The following SCFD2 variants were observed in gnomAD, a reference collection of about 807,000 sequenced individuals.
The protein encoded by SCFD2 is sec1 family domain containing 2.
SCFD2 carries 54 observed loss-of-function variants against 58.9 expected under a neutral mutation model. That is an observed-to-expected ratio of 0.92 (90% CI 0.74 to 1.15). SCFD2 has a LOEUF of 1.15. Among genes scored for constraint, SCFD2 ranks in the 50% most tolerant of loss-of-function variants. The pLI, the probability that SCFD2 is intolerant of heterozygous loss-of-function variation, is 0.00. For missense variants in SCFD2, 805 were observed against 836.6 expected (o/e 0.96, Z 0.47); for synonymous variants, 321 against 335.9 (o/e 0.96, Z 0.49).
chr4:53,136,232 AC>A (rs971828308), intron 5 of SCFD2, among the ~76,000 whole-genome samples: 49 of 152,052 alleles, frequency 3.2e-4, no homozygotes, highest in Middle Eastern at 3.4e-3. Flanking sequence ...GGAATTCTGG[AC>A]TGGGAATTGG....
At chr4:52,941,806 C>A (rs1269573403) in intron 5 of SCFD2, among the ~76,000 whole-genome samples, 3 of 152,166 alleles carry the variant, frequency 2.0e-5, no homozygotes, top group African/African-American at 7.2e-5. Flanking sequence ...GGTTGAGTAT[C>A]CTTTATCCAA....
At chr4:53,228,505 C>T (rs546660954) in intron 4 of SCFD2, among the ~76,000 whole-genome samples, 1 of 152,122 alleles carries the variant, frequency 6.6e-6, no homozygotes, top group Non-Finnish European at 1.5e-5. Context: ...AAAATAGATA[C>T]AAACGTTAAG....
chr4:52,959,854 A>C (rs1720803061), intron 5 of SCFD2, among the ~76,000 whole-genome samples: 1 of 148,436 alleles, frequency 6.7e-6, no homozygotes. Context: ...CTGACAGTAC[A>C]TGAGGGAGGG....
chr4:53,035,504 A>G (rs559459646), intron 5 of SCFD2, among the ~76,000 whole-genome samples: 27 of 152,364 alleles, frequency 1.8e-4, no homozygotes, highest in Admixed American at 8.5e-4. Context: ...GAGCTTCTGC[A>G]CAGCAAAAGA....
chr4:53,328,051 C>T (rs556996048), intron 2 of SCFD2, among the ~76,000 whole-genome samples: 1 of 152,118 alleles, frequency 6.6e-6, no homozygotes, highest in South Asian at 2.1e-4. Context: ...AGGAGAATTG[C>T]TTGAACCCAG....
intron 4 of SCFD2, among the ~76,000 whole-genome samples, chr4:53,152,920 GA>G (rs1726555093): frequency 6.6e-6 from 1 of 152,168 alleles, no homozygotes; most frequent in Admixed American, 6.6e-5. Flanking sequence ...AAAAATCTTT[GA>G]CTCTATGTCT....
intron 6 of SCFD2, among the ~76,000 whole-genome samples, chr4:52,913,535 C>T (rs1367789219): frequency 1.3e-5 from 2 of 152,162 alleles, no homozygotes; most frequent in African/African-American, 4.8e-5. Flanking sequence ...CTTACCTCTC[C>T]CACTGATTCC....
rs548926788 is a variant in SCFD2 at position 53,115,383 on chromosome 4, C to T, written c.1561+29950G>A. ...ATTTTTAAAAATATACAGTGAGAAC[C>T]TGTTCTTTACTTAGTGCCAGGTCCA... On this transcript the variant is annotated intron_variant, in intron 5 of 8. Coordinates refer to ENST00000401642, the MANE Select transcript of SCFD2 (RefSeq NM_152540.4). 1.3e-3 allele frequency among the ~76,000 whole-genome samples: 200 copies of T among 152,142 alleles called. 1 individual carries two copies. The highest frequency in any genetic ancestry group is 2.3e-3 in the Non-Finnish European group (154 of 67,978).
intron 7 of SCFD2, among the ~76,000 whole-genome samples, chr4:52,901,386 C>T (rs985181642): frequency 6.6e-6 from 1 of 152,158 alleles, no homozygotes. Flanking sequence ...GAGCACAGTG[C>T]TGTGGAAGTG....
intron 3 of SCFD2, among the ~76,000 whole-genome samples, chr4:53,294,128 G>A (rs879736817): frequency 7.2e-5 from 11 of 152,108 alleles, no homozygotes; most frequent in East Asian, 1.9e-4. Flanking sequence ...CTTTACAGTA[G>A]AATAATTTAT....
chr4:52,997,936 A>T (rs1166208103), intron 5 of SCFD2, among the ~76,000 whole-genome samples: 1 of 152,232 alleles, frequency 6.6e-6, no homozygotes, highest in Non-Finnish European at 1.5e-5. Context: ...ACTAATCAAG[A>T]GTAGTAACAT....
At chr4:53,161,181 G>T (rs1027819099) in intron 4 of SCFD2, among the ~76,000 whole-genome samples, 1 of 152,158 alleles carries the variant, frequency 6.6e-6, no homozygotes, top group Non-Finnish European at 1.5e-5. Context: ...CAAAAGAGGG[G>T]CTTCCAGGGT....
intron 4 of SCFD2, among the ~76,000 whole-genome samples, chr4:53,219,237 G>A (rs1728966026): frequency 6.6e-6 from 1 of 152,218 alleles, no homozygotes; most frequent in South Asian, 2.1e-4. Context: ...CCCAAGAGGT[G>A]GAGTCTACAG....
chr4:52,925,197 C>T (rs1244765085), intron 5 of SCFD2, among the ~76,000 whole-genome samples: 1 of 151,806 alleles, frequency 6.6e-6, no homozygotes, highest in African/African-American at 2.4e-5. Flanking sequence ...CAGTCTAACT[C>T]CAAAGTTGGT....
chr4:52,885,086 C>A (rs183879454), intron 8 of SCFD2, among the ~76,000 whole-genome samples: 1 of 152,094 alleles, frequency 6.6e-6, no homozygotes, highest in Non-Finnish European at 1.5e-5. Flanking sequence ...GGCCACAGAG[C>A]CAGTTTTCTT....
Position 53,225,794 on chromosome 4 carries a change from C to G in SCFD2, c.1311+48032G>C, listed in dbSNP as rs534742210. Among the ~76,000 whole-genome samples the G allele has an allele frequency of 3.3e-5, 5 of 152,274 alleles. No individual in the cohort carries two copies. In the East Asian group the frequency reaches 9.6e-4, roughly 29 times the overall value. On this transcript the variant is annotated intron_variant, in intron 4 of 8. Transcript: ENST00000401642. ...CAGCAGCATTTAGTTCTAGAACCCTCTAATCTTAAGGTCCTTTCTCTAAAC... is the reference window on the plus strand; with the variant it reads ...CAGCAGCATTTAGTTCTAGAACCCTGTAATCTTAAGGTCCTTTCTCTAAAC...
At chr4:53,048,487 G>C (rs1394867362) in intron 5 of SCFD2, among the ~76,000 whole-genome samples, 1 of 152,142 alleles carries the variant, frequency 6.6e-6, no homozygotes, top group Non-Finnish European at 1.5e-5. Context: ...TGTAATCCCA[G>C]CATTTTGGGA....
chr4:53,268,501 G>A lies in SCFD2; in HGVS notation c.1311+5325C>T, dbSNP rs114670400. On this transcript the variant is annotated intron_variant, in intron 4 of 8. Coordinates refer to ENST00000401642, the MANE Select transcript of SCFD2 (RefSeq NM_152540.4). ...GAGTGACAACAACATCCCAGGATGCGGTGTAGGACTCTGAGCGGGGTGGTG... is the reference window on the plus strand; with the variant it reads ...GAGTGACAACAACATCCCAGGATGCAGTGTAGGACTCTGAGCGGGGTGGTG... 8.9e-3 allele frequency among the ~76,000 whole-genome samples: 1,349 copies of A among 152,234 alleles called. 11 individuals carry two copies. The highest frequency in any genetic ancestry group is 0.015 in the Non-Finnish European group (1,031 of 68,004).
At chr4:52,965,014 AACAC>A (rs146576584) in intron 5 of SCFD2, among the ~76,000 whole-genome samples, 183 of 144,950 alleles carry the variant, frequency 1.3e-3, no homozygotes, top group Non-Finnish European at 1.8e-3. Flanking sequence ...ACAAAACACA[AACAC>A]ACACACACAC....
Sources: allele counts gnomAD v4.1 joint callset (sites outside exome capture counted in the v4.1 genomes callset), GRCh38; gene constraint gnomAD v4.1.1; transcripts MANE v1.5; gene names NCBI Gene and HGNC (gene_info 2026-07-23, HGNC 2026-07-21).